Variants in EDA observed in about 807,000 individuals in gnomAD.
EDA encodes ectodysplasin A, also known as ectodysplasin-A.
EDA carries 2 observed loss-of-function variants against 23.6 expected under a neutral mutation model. The observed-to-expected ratio is 0.08, with a 90% CI of 0.03 to 0.27. EDA has a LOEUF of 0.27. Among genes scored for constraint, EDA ranks in the 10% least tolerant of loss-of-function variants. The pLI, the probability that EDA is intolerant of heterozygous loss-of-function variation, is 1.00. For missense variants in EDA, 229 were observed against 324.2 expected, an observed-to-expected ratio of 0.71 and a Z score of 2.26; for synonymous variants, 131 against 132.0, an observed-to-expected ratio of 0.99 and a Z score of 0.05.
intron 1 of EDA, among the ~76,000 whole-genome samples, chrX:69,676,235 TA>T (rs746828964): frequency 1.4e-4 from 15 of 111,111 alleles, no homozygotes; most frequent in African/African-American, 4.9e-4. Context: ...ATTTTATTGG[TA>T]GGAAAACTTT....
At chrX:69,654,691 G>A (rs374569744) in intron 1 of EDA, among the ~76,000 whole-genome samples, 2 of 105,532 alleles carry the variant, frequency 1.9e-5, no homozygotes, top group Non-Finnish European at 3.9e-5. Context: ...GCAAACCATC[G>A]CAAGGACAAA....
intron 1 of EDA, among the ~76,000 whole-genome samples, chrX:69,939,959 C>G (rs2018732912): frequency 8.9e-6 from 1 of 111,754 alleles, no homozygotes. Context: ...AGTGAGTGAT[C>G]TCTTTAATGT....
At chrX:69,824,426 T>C (rs1444469114) in intron 1 of EDA, among the ~76,000 whole-genome samples, 17 of 110,136 alleles carry the variant, frequency 1.5e-4, no homozygotes, top group African/African-American at 5.6e-4. Context: ...CCCTTGTAAG[T>C]TGGATTCCTA....
chrX:69,818,331 C>T (rs1356076742), intron 1 of EDA, among the ~76,000 whole-genome samples: 1 of 110,835 alleles, frequency 9.0e-6, no homozygotes, highest in African/African-American at 3.3e-5. Context: ...AAGAGCAATC[C>T]AACCCCAAAC....
chrX:69,817,510 AATGG>A (rs768469490), intron 1 of EDA, among the ~76,000 whole-genome samples: 1 of 112,211 alleles, frequency 8.9e-6, no homozygotes, highest in Non-Finnish European at 1.9e-5. Context: ...GCTCAAAATA[AATGG>A]ATGGAAGAAA....
chrX:69,981,708 C>G (rs1465632454), intron 2 of EDA, among the ~76,000 whole-genome samples: 1 of 112,134 alleles, frequency 8.9e-6, no homozygotes, highest in Non-Finnish European at 1.9e-5. Flanking sequence ...ACTTTATGTG[C>G]TTTACATCAT....
intron 1 of EDA, among the ~76,000 whole-genome samples, chrX:69,682,105 C>G (rs1241881091): frequency 1.8e-5 from 2 of 111,258 alleles, no homozygotes; most frequent in Non-Finnish European, 3.8e-5. Flanking sequence ...TCTGCCCCTG[C>G]TGGGGGTGCC....
intron 2 of EDA, among the ~76,000 whole-genome samples, chrX:69,962,499 T>C (rs1194460336): frequency 8.9e-6 from 1 of 112,165 alleles, no homozygotes; most frequent in Non-Finnish European, 1.9e-5. Context: ...TGGTGCAATC[T>C]CAGCTCACTG....
chrX:69,670,183 GTT>G (rs544601085), intron 1 of EDA: 1,013 of 231,434 alleles, frequency 4.4e-3, no homozygotes, highest in African/African-American at 4.8e-3. Context: ...TTGGCTGACT[GTT>G]TTTTTTTTTT....
intron 1 of EDA, among the ~76,000 whole-genome samples, chrX:69,813,369 C>G (rs775912825): frequency 9.0e-5 from 10 of 111,367 alleles, no homozygotes; most frequent in Admixed American, 1.9e-4. Flanking sequence ...CAACCTTAAC[C>G]AGCTTCTATT....
At chrX:69,634,167 T>C (rs1932707242) in intron 1 of EDA, among the ~76,000 whole-genome samples, 1 of 112,702 alleles carries the variant, frequency 8.9e-6, no homozygotes, top group Admixed American at 9.4e-5. Flanking sequence ...AAGAAATGTC[T>C]ATCCAAATCC....
chrX:69,745,462 A>G (rs1036017862), intron 1 of EDA, among the ~76,000 whole-genome samples: 4 of 111,496 alleles, frequency 3.6e-5, no homozygotes, highest in Non-Finnish European at 7.5e-5. Flanking sequence ...TTAACCTTTA[A>G]TGTCAGCTGT....
intron 1 of EDA, among the ~76,000 whole-genome samples, chrX:69,800,852 C>T (rs147121494): frequency 0.076 from 8,472 of 111,407 alleles, 254 homozygotes; most frequent in Non-Finnish European, 0.088. Flanking sequence ...TAAAGAGTCT[C>T]ATAAAGTCTC....
intron 1 of EDA, among the ~76,000 whole-genome samples, chrX:69,798,893 G>A (rs1397940770): frequency 9.0e-6 from 1 of 111,233 alleles, no homozygotes; most frequent in Non-Finnish European, 1.9e-5. Context: ...AATAGCCAAA[G>A]CTAGCCTGAG....
At chrX:69,727,428 T>C (rs1377387562) in intron 1 of EDA, among the ~76,000 whole-genome samples, 1 of 112,224 alleles carries the variant, frequency 8.9e-6, no homozygotes, top group Admixed American at 9.4e-5. Flanking sequence ...GCCTCCTGTT[T>C]GGATCAAAGG....
At chrX:69,801,002 A>G (rs957284553) in intron 1 of EDA, among the ~76,000 whole-genome samples, 2 of 111,719 alleles carry the variant, frequency 1.8e-5, no homozygotes, top group African/African-American at 6.5e-5. Context: ...AACCACATTT[A>G]TGATGTGTCC....
At chrX:69,888,353 C>T (rs141878859) in intron 1 of EDA, among the ~76,000 whole-genome samples, 125 of 109,688 alleles carry the variant, frequency 1.1e-3, no homozygotes, top group African/African-American at 3.9e-3. Flanking sequence ...CATCATATCA[C>T]AAAGGAAGAC....
chrX:69,632,220 A>G (rs1359985175), intron 1 of EDA, among the ~76,000 whole-genome samples: 1 of 111,548 alleles, frequency 9.0e-6, no homozygotes, highest in African/African-American at 3.3e-5. Context: ...GTAAAATCAA[A>G]GAGCAGTAGC....
At chrX:69,756,257 G>A (rs1358089914) in intron 1 of EDA, among the ~76,000 whole-genome samples, 2 of 112,475 alleles carry the variant, frequency 1.8e-5, no homozygotes, top group Non-Finnish European at 3.7e-5. Flanking sequence ...AACACACAAT[G>A]TGTATTTTAT....
Sources: gnomAD v4.1 joint callset for allele counts (sites outside exome capture counted in the v4.1 genomes callset) on GRCh38, gnomAD v4.1.1 for gene constraint, MANE v1.5 for transcripts, NCBI Gene and HGNC (gene_info 2026-07-23, HGNC 2026-07-21) for gene names.